The following SHC4 variants were observed in gnomAD, a reference collection of about 807,000 sequenced individuals.
SHC4 encodes the protein SHC adaptor protein 4.
A neutral mutation model predicts 69.4 loss-of-function variants in SHC4; 41 were observed. The observed-to-expected ratio is 0.59, with a 90% CI of 0.46 to 0.77. The LOEUF (loss-of-function observed/expected upper bound fraction) is 0.77, where lower values mean the gene tolerates loss of function less well. Ranked by LOEUF, SHC4 falls within the 30% of genes least tolerant of loss-of-function variation. The probability of loss-of-function intolerance (pLI) is 0.00; values close to 1 mark genes in which losing one functional copy is unlikely to be tolerated. For synonymous variants in SHC4, 318 were observed against 299.3 expected (o/e 1.06, Z -0.64); for missense variants, 777 against 783.8 (o/e 0.99, Z 0.10).
At chr15:48,898,425 C>T (rs1028991725) in intron 2 of SHC4, among the ~76,000 whole-genome samples, 10 of 152,172 alleles carry the variant, frequency 6.6e-5, no homozygotes, top group Non-Finnish European at 1.2e-4. Context: ...ACAGGCACCT[C>T]GGGTCCCAGG....
chr15:48,864,470 CAG>C (rs1899517623), intron 6 of SHC4, among the ~76,000 whole-genome samples: 1 of 92,570 alleles, frequency 1.1e-5, no homozygotes, highest in South Asian at 3.9e-4. Flanking sequence ...TTTTTTGAGA[CAG>C]AGTCTTGCTC....
chr15:48,872,289 A>C, intron 4 of SHC4, 147 bp from the exon 5 acceptor site: 1 of 500,648 alleles, frequency 2.0e-6, no homozygotes, highest in Non-Finnish European at 3.5e-6. Flanking sequence ...CTCTATAATA[A>C]TCTCATTTAA....
At chr15:48,876,601 C>T (rs1328492909) in intron 4 of SHC4, 1 of 698,038 alleles carries the variant, frequency 1.4e-6, no homozygotes, top group Admixed American at 2.0e-5. Context: ...AGAGGAGAGC[C>T]AGTCCGAGTT....
rs117871582 is a variant in SHC4, at chr15:48,890,698, C to T, written c.720+50G>A. 2.6e-4 allele frequency: 418 copies of T among 1,604,300 alleles called. No homozygotes were observed. In the Middle Eastern group the frequency reaches 7.1e-3, roughly 27 times the overall value. ...GAACGAACAGCGATTTTCATACTAT[C>T]TTTGCCATAATTAGGGAAACATAAA... On this transcript the variant is annotated intron_variant, in intron 3 of 11. Coordinates refer to ENST00000332408, the MANE Select transcript of SHC4 (RefSeq NM_203349.4).
chr15:48,901,824 G>A (rs1900323666), intron 2 of SHC4, among the ~76,000 whole-genome samples: 2 of 152,126 alleles, frequency 1.3e-5, no homozygotes, highest in African/African-American at 4.8e-5. Context: ...TAAAAAGTAA[G>A]AATAATAATA....
rs1468479421 is a variant in SHC4, at chr15:48,825,669, T to C, written c.*302A>G. Reference sequence around the variant, plus strand: ...GTTCATTCAAGTTGTCGTTAGCATGTGAAATTTTAGTTGTGCTTTTAGCTT... The same window carrying C: ...GTTCATTCAAGTTGTCGTTAGCATGCGAAATTTTAGTTGTGCTTTTAGCTT... On this transcript the variant is annotated 3_prime_UTR_variant, in exon 12 of 12. Transcript: ENST00000332408. The C allele has an allele frequency of 4.0e-6, 1 of 250,830 alleles. No individual in the cohort carries two copies. The highest frequency in any genetic ancestry group is 7.6e-6 in the Non-Finnish European group (1 of 131,090). The allele number at this position is 250,830 out of a possible 1,614,324, so 15.5% of individuals were successfully genotyped here. A position where few individuals can be genotyped will look rare whatever the true frequency, so the allele number is the denominator to read the frequency against.
chr15:48,851,636 T>A (rs892705415), intron 8 of SHC4, among the ~76,000 whole-genome samples: 6 of 152,186 alleles, frequency 3.9e-5, no homozygotes, highest in Non-Finnish European at 8.8e-5. Context: ...ATTGGTAGAT[T>A]GGATTTCTAC....
intron 9 of SHC4, among the ~76,000 whole-genome samples, chr15:48,850,118 G>A (rs1283816469): frequency 5.3e-5 from 8 of 152,120 alleles, no homozygotes; most frequent in South Asian, 2.1e-4. Context: ...CAGGAGAATC[G>A]CTTGAACCCG....
chr15:48,848,009 A>AC lies in SHC4; in HGVS notation c.1303+3178_1303+3179insG, dbSNP rs958948727. Among the ~76,000 whole-genome samples, 12 of 151,624 alleles carry AC rather than the reference A, an allele frequency of 7.9e-5. 1 individual carries two copies. Among genetic ancestry groups the AC allele is most frequent in the Admixed American group, 5.9e-4 (9 of 15,248 alleles). ...AAGAGCAAAACTCCGTCTAAAAAAA[A>AC]AAAAAAAACAAAAAAAACAAACAAA... On this transcript the variant is annotated intron_variant, in intron 9 of 11. Transcript: ENST00000332408.
Position 48,843,525 on chromosome 15 carries a change from C to A in SHC4, c.1367G>T (p.Arg456Leu). The A allele has an allele frequency of 6.2e-7, 1 of 1,614,160 alleles. No homozygotes were observed. The highest frequency in any genetic ancestry group is 8.5e-7 in the Non-Finnish European group (1 of 1,180,020). Residue 456 changes from arginine to leucine, a missense_variant, in exon 10 of 12, where the codon CGA (arginine) becomes CTA (leucine). Arg to Leu is a moderately radical substitution (Grantham distance 102). Coordinates refer to ENST00000332408, the MANE Select transcript of SHC4 (RefSeq NM_203349.4). ...GCAGGGGTCATCAAAGAGATCCACT[C>A]GGCACGTGTGCTTCAATAATGAGGT... The part of the protein sequence containing the change: ...RDTSLLKHTC[R>L]VDLFDDPCYI...
intron 2 of SHC4, among the ~76,000 whole-genome samples, chr15:48,920,498 A>T (rs1402251679): frequency 6.6e-6 from 1 of 151,996 alleles, no homozygotes; most frequent in Non-Finnish European, 1.5e-5. Flanking sequence ...ATGTAAAAAT[A>T]AAAATCTACA....
chr15:48,841,121 T>C (rs1308399951), intron 10 of SHC4, among the ~76,000 whole-genome samples: 3 of 152,200 alleles, frequency 2.0e-5, no homozygotes, highest in Admixed American at 6.5e-5. Context: ...GACTAAATTA[T>C]AAAGGAACTG....
chr15:48,899,673 G>T (rs2141010884), intron 2 of SHC4, among the ~76,000 whole-genome samples: 1 of 151,606 alleles, frequency 6.6e-6, no homozygotes, highest in South Asian at 2.1e-4. Flanking sequence ...TTAAATGTGT[G>T]TGCACCTCTG....
intron 10 of SHC4, among the ~76,000 whole-genome samples, chr15:48,838,558 T>C (rs1460430987): frequency 6.6e-6 from 1 of 152,148 alleles, no homozygotes; most frequent in Non-Finnish European, 1.5e-5. Flanking sequence ...ATGTTAAGCA[T>C]AAATGAGAGA....
At position 48,840,856 on chromosome 15, in the gene SHC4, GGAGATC is replaced by G. The variant is rs147698550; in HGVS notation, c.1483+2547_1483+2552del. ...TTAAATCCTAATAGGAAATAAAGAG[GGAGATC>G]GTACCAAAGGCCTAAATTATTAAAT... On this transcript the variant is annotated intron_variant, in intron 10 of 11. Coordinates refer to ENST00000332408, the MANE Select transcript of SHC4 (RefSeq NM_203349.4). 8.0e-3 allele frequency among the ~76,000 whole-genome samples: 1,218 copies of G among 152,262 alleles called. 6 individuals are homozygous for G. Among genetic ancestry groups the G allele is most frequent in the African/African-American group, 0.028 (1,154 of 41,556 alleles).
intron 11 of SHC4, among the ~76,000 whole-genome samples, chr15:48,831,875 C>G (rs1898809330): frequency 6.6e-6 from 1 of 152,178 alleles, no homozygotes; most frequent in South Asian, 2.1e-4. Context: ...CCTTTTGTTT[C>G]AACTTGAAGG....
intron 1 of SHC4, among the ~76,000 whole-genome samples, chr15:48,926,317 C>T (rs1900852816): frequency 1.3e-5 from 2 of 152,082 alleles, no homozygotes; most frequent in South Asian, 2.1e-4. Flanking sequence ...GTTGTCTCCT[C>T]GGAAATGATA....
intron 1 of SHC4, among the ~76,000 whole-genome samples, chr15:48,925,920 T>A (rs1233426554): frequency 6.6e-6 from 1 of 152,160 alleles, no homozygotes; most frequent in East Asian, 1.9e-4. Flanking sequence ...CGGCAGTTGA[T>A]TTGATACGGA....
At position 48,963,025 on chromosome 15, in the gene SHC4, A is replaced by C. The variant is rs963390604; in HGVS notation, c.-10T>G. 2 of 1,596,210 alleles carry C rather than the reference A, an allele frequency of 1.3e-6. No homozygotes were observed. Among genetic ancestry groups the C allele is most frequent in the South Asian group, 2.3e-5 (2 of 88,804 alleles). Reference sequence around the variant, plus strand: ...GGCCGCGTTCTCGCATAGCCTTGGCAGTGCTGAAACAGGATACTGTTGCAT... The same window carrying C: ...GGCCGCGTTCTCGCATAGCCTTGGCCGTGCTGAAACAGGATACTGTTGCAT... On this transcript the variant is annotated 5_prime_UTR_variant, in exon 1 of 12. Coordinates refer to ENST00000332408, the MANE Select transcript of SHC4 (RefSeq NM_203349.4).
Sources: allele counts gnomAD v4.1 joint callset (sites outside exome capture counted in the v4.1 genomes callset), GRCh38; gene constraint gnomAD v4.1.1; transcripts MANE v1.5; gene names NCBI Gene and HGNC (gene_info 2026-07-23, HGNC 2026-07-21).